MEGF9: variants seen among roughly 807,000 people sequenced by gnomAD.
MEGF9 encodes the protein multiple EGF like domains 9, also known as multiple epidermal growth factor-like domains protein 9.
A neutral mutation model predicts 46.8 loss-of-function variants in MEGF9; 6 were observed. The ratio of observed to expected loss-of-function variants is 0.13; its 90% CI spans 0.07 to 0.25. The LOEUF is 0.25. Among genes scored for constraint, MEGF9 ranks in the 10% least tolerant of loss-of-function variants. The probability of loss-of-function intolerance (pLI) is 1.00; values close to 1 mark genes in which losing one functional copy is unlikely to be tolerated. For synonymous variants in MEGF9, 302 were observed against 330.7 expected, an observed-to-expected ratio of 0.91 and a Z score of 0.94; for missense variants, 683 against 792.4, an observed-to-expected ratio of 0.86 and a Z score of 1.66.
chr9:120,682,710 G>C (rs899207272), intron 1 of MEGF9, among the ~76,000 whole-genome samples: 6 of 152,116 alleles, frequency 3.9e-5, no homozygotes, highest in African/African-American at 1.4e-4. Context: ...AGCGTCCCGA[G>C]TAGCTGGGAC....
intron 1 of MEGF9, among the ~76,000 whole-genome samples, chr9:120,712,258 AAAAAAC>A (rs915778976): frequency 1.3e-5 from 2 of 152,162 alleles, no homozygotes; most frequent in East Asian, 1.9e-4. Context: ...ACCCTGTCTC[AAAAAAC>A]AAAAACAAAA....
At position 120,622,750 on chromosome 9, in the gene MEGF9, C is replaced by T. The variant is rs2043505969; in HGVS notation, c.809G>A (p.Gly270Glu). Residue 270 changes from glycine to glutamate, a missense_variant, in exon 3 of 6, where the codon GGG becomes GAG. By Grantham distance (98) the Gly-to-Glu change is moderately conservative. Transcript: ENST00000373930. ...GALSIPCNSS[G>E]KCQCKVGVIG... ...GACACCCACTTTGCACTGGCATTTC[C>T]CAGAACTGCAAATAAAAGCAAAGAC... The T allele has an allele frequency of 6.2e-7, 1 of 1,612,266 alleles. No individual in the cohort carries two copies. The highest frequency in any genetic ancestry group is 1.7e-5 in the Admixed American group (1 of 59,736).
chr9:120,705,926 A>C (rs183489231), intron 1 of MEGF9, among the ~76,000 whole-genome samples: 7 of 152,282 alleles, frequency 4.6e-5, no homozygotes, highest in Admixed American at 2.6e-4. Flanking sequence ...CCTAAAAAAA[A>C]CCACACAAAA....
At chr9:120,628,850 T>G (rs2043538601) in intron 2 of MEGF9, among the ~76,000 whole-genome samples, 1 of 152,236 alleles carries the variant, frequency 6.6e-6, no homozygotes, top group African/African-American at 2.4e-5. Flanking sequence ...GCAGTGCCTC[T>G]GCTTGCAAAA....
intron 1 of MEGF9, among the ~76,000 whole-genome samples, chr9:120,703,108 C>G (rs1202981842): frequency 3.3e-5 from 5 of 152,162 alleles, no homozygotes; most frequent in African/African-American, 1.2e-4. Context: ...ATATAATAAG[C>G]TGGATCTCAA....
At chr9:120,703,839 G>C (rs184749103) in intron 1 of MEGF9, among the ~76,000 whole-genome samples, 6 of 152,152 alleles carry the variant, frequency 3.9e-5, no homozygotes, top group Admixed American at 6.5e-5. Context: ...TGGGTGTGGT[G>C]GTGGGTGCCT....
intron 2 of MEGF9, among the ~76,000 whole-genome samples, chr9:120,641,806 T>C (rs924227944): frequency 6.6e-6 from 1 of 152,218 alleles, no homozygotes. Context: ...CTTCCAGGCA[T>C]AGTGATGAAC....
At chr9:120,645,043 A>C (rs1215372753) in intron 2 of MEGF9, among the ~76,000 whole-genome samples, 2 of 152,160 alleles carry the variant, frequency 1.3e-5, no homozygotes, top group Non-Finnish European at 2.9e-5. Context: ...GACTGTGAAA[A>C]ATCATTTAAG....
intron 1 of MEGF9, among the ~76,000 whole-genome samples, chr9:120,707,438 G>C (rs2043933798): frequency 1.3e-5 from 2 of 152,216 alleles, no homozygotes; most frequent in Non-Finnish European, 2.9e-5. Flanking sequence ...GATACGTGCA[G>C]TTTGCTGCAG....
At chr9:120,710,027 C>A (rs112932884) in intron 1 of MEGF9, among the ~76,000 whole-genome samples, 2 of 116,134 alleles carry the variant, frequency 1.7e-5, no homozygotes, top group African/African-American at 6.4e-5. Context: ...AGCGAAACTC[C>A]GTCTCAAAAA....
At chr9:120,643,180 A>T (rs981066780) in intron 2 of MEGF9, among the ~76,000 whole-genome samples, 1 of 152,150 alleles carries the variant, frequency 6.6e-6, no homozygotes, top group Non-Finnish European at 1.5e-5. Context: ...AAAGCTGAAC[A>T]GTCCCATATT....
At position 120,670,653 on chromosome 9, in the gene MEGF9, T is replaced by C. The variant is rs1211195581; in HGVS notation, c.602-11078A>G. On this transcript the variant is annotated intron_variant, in intron 1 of 5. Coordinates refer to ENST00000373930, the MANE Select transcript of MEGF9 (RefSeq NM_001080497.3). ...TTGCAACTTCATGGAAACTGAGACC[T>C]TCTTTTTCTCTCTTCCTGCTTTTTC... is the stretch of plus-strand genomic sequence containing the variant. 3.3e-5 allele frequency among the ~76,000 whole-genome samples: 5 copies of C among 152,200 alleles called. No homozygotes were observed. In the South Asian group the frequency reaches 8.3e-4, roughly 25 times the overall value.
intron 1 of MEGF9, chr9:120,689,977 G>T (rs2043841296): frequency 1.9e-6 from 1 of 531,458 alleles, no homozygotes; most frequent in Admixed American, 2.0e-5. Context: ...TGTGTAAGAG[G>T]CAAGTACTTG....
chr9:120,687,643 T>C (rs1006854647), intron 1 of MEGF9, among the ~76,000 whole-genome samples: 3 of 150,406 alleles, frequency 2.0e-5, no homozygotes, highest in African/African-American at 7.4e-5. Flanking sequence ...GAGTTCATTA[T>C]ACAAAATTTG....
chr9:120,672,094 A>G (rs1018467943), intron 1 of MEGF9, among the ~76,000 whole-genome samples: 1 of 152,208 alleles, frequency 6.6e-6, no homozygotes, highest in African/African-American at 2.4e-5. Context: ...ATAGAAGGAA[A>G]CTTTCTCAGC....
At chr9:120,692,031 AT>A (rs1298314599) in intron 1 of MEGF9, among the ~76,000 whole-genome samples, 5 of 152,170 alleles carry the variant, frequency 3.3e-5, no homozygotes, top group African/African-American at 1.2e-4. Context: ...CGGTTTCCTC[AT>A]CCATATTTAA....
At chr9:120,708,921 T>A (rs567158560) in intron 1 of MEGF9, among the ~76,000 whole-genome samples, 31 of 152,338 alleles carry the variant, frequency 2.0e-4, no homozygotes, top group Non-Finnish European at 3.7e-4. Context: ...TAAATTTTAA[T>A]AGAGCTTAGC....
intron 2 of MEGF9, among the ~76,000 whole-genome samples, chr9:120,650,434 G>C (rs1158903955): frequency 2.6e-5 from 4 of 152,096 alleles, no homozygotes; most frequent in African/African-American, 9.7e-5. Flanking sequence ...TTCAGATACT[G>C]TACACCAACT....
intron 1 of MEGF9, among the ~76,000 whole-genome samples, chr9:120,668,359 G>T (rs1192892246): frequency 3.3e-5 from 5 of 152,170 alleles, no homozygotes; most frequent in Admixed American, 6.5e-5. Flanking sequence ...ACTTTGTAGA[G>T]ATGTGTAGTA....
Sources: gnomAD v4.1 joint callset for allele counts (sites outside exome capture counted in the v4.1 genomes callset) on GRCh38, gnomAD v4.1.1 for gene constraint, MANE v1.5 for transcripts, NCBI Gene and HGNC (gene_info 2026-07-23, HGNC 2026-07-21) for gene names.